The following B3GALT1 variants were observed in gnomAD, a reference collection of about 807,000 sequenced individuals.
B3GALT1 encodes the protein UDP-Gal:betaGlcNAc beta 1,3-galactosyltransferase, polypeptide 1.
In B3GALT1, 10 loss-of-function variants were observed where a neutral mutation model predicts 23.2. The ratio of observed to expected loss-of-function variants is 0.43; its 90% CI spans 0.27 to 0.73. The LOEUF (loss-of-function observed/expected upper bound fraction) is 0.73. Among genes scored for constraint, B3GALT1 ranks in the 30% least tolerant of loss-of-function variants. The probability of loss-of-function intolerance (pLI) is 0.21; values close to 1 mark genes in which losing one functional copy is unlikely to be tolerated. For missense variants in B3GALT1, 299 were observed against 405.4 expected, an observed-to-expected ratio of 0.74 and a Z score of 2.25; for synonymous variants, 156 against 141.5, an observed-to-expected ratio of 1.10 and a Z score of -0.73.
chr2:167,407,634 C>A (rs1698306535), intron 1 of B3GALT1, among the ~76,000 whole-genome samples: 5 of 151,234 alleles, frequency 3.3e-5, no homozygotes, highest in African/African-American at 1.2e-4. Context: ...TAAATAAAAT[C>A]AAAAATGAAA....
intron 1 of B3GALT1, among the ~76,000 whole-genome samples, chr2:167,362,015 AG>A (rs1224978133): frequency 2.0e-5 from 3 of 152,158 alleles, no homozygotes; most frequent in Admixed American, 6.5e-5. Context: ...CGGAGCTTGC[AG>A]TGAGCCGTGA....
At chr2:167,319,363 A>C (rs1286045881) in intron 1 of B3GALT1, among the ~76,000 whole-genome samples, 1 of 152,150 alleles carries the variant, frequency 6.6e-6, no homozygotes, top group Non-Finnish European at 1.5e-5. Flanking sequence ...CTTTCTAGGA[A>C]GCCTACATCG....
chr2:167,360,106 CTCTTT>C (rs1283118108), intron 1 of B3GALT1, among the ~76,000 whole-genome samples: 3 of 151,902 alleles, frequency 2.0e-5, no homozygotes, highest in African/African-American at 4.8e-5. Flanking sequence ...AAAAATTTTT[CTCTTT>C]TAAGTCAAAA....
chr2:167,778,703 G>C (rs1330541476), intron 3 of B3GALT1, among the ~76,000 whole-genome samples: 2 of 152,142 alleles, frequency 1.3e-5, no homozygotes, highest in East Asian at 3.8e-4. Flanking sequence ...AGAATCTTAT[G>C]TTTTCTTTTA....
chr2:167,629,489 ATTAAG>A (rs954668064), intron 2 of B3GALT1, among the ~76,000 whole-genome samples: 5 of 151,764 alleles, frequency 3.3e-5, no homozygotes, highest in African/African-American at 1.2e-4. Context: ...TCATACATGA[ATTAAG>A]TTAACATGAG....
chr2:167,385,512 A>C lies in B3GALT1; in HGVS notation c.-511+92178A>C, dbSNP rs199823495. ...CTCAGTAAATATTTGAATTTATTGT[A>C]TGTACAATTTCTCCTAGCCTGAAAA... On this transcript the variant is annotated intron_variant, in intron 1 of 4. Coordinates refer to ENST00000392690, the MANE Select transcript of B3GALT1 (RefSeq NM_020981.4). Among the ~76,000 whole-genome samples the C allele has an allele frequency of 7.6e-4, 115 of 152,274 alleles. 1 individual carries two copies. In the East Asian group the frequency reaches 0.018, roughly 24 times the overall value.
rs182795687 is a variant in B3GALT1 at position 167,411,420 on chromosome 2, T to C, written c.-510-78757T>C. ...AAAAACCACACAAATAATTTGAGTTTAAAATTGGCAAAAGATCTGAACAGG... is the reference window on the plus strand; with the variant it reads ...AAAAACCACACAAATAATTTGAGTTCAAAATTGGCAAAAGATCTGAACAGG... On this transcript the variant is annotated intron_variant, in intron 1 of 4. Transcript: ENST00000392690. Among the ~76,000 whole-genome samples, 40 of 149,886 alleles carry C rather than the reference T, an allele frequency of 2.7e-4. No individual in the cohort carries two copies. The South Asian group carries it at 4.6e-3, about 17-fold the overall frequency.
intron 3 of B3GALT1, among the ~76,000 whole-genome samples, chr2:167,727,449 G>A (rs1229927254): frequency 6.6e-6 from 1 of 152,154 alleles, no homozygotes; most frequent in East Asian, 1.9e-4. Flanking sequence ...CCTTTGGGGT[G>A]TCGGGCACTG....
chr2:167,390,289 G>A (rs375795981), intron 1 of B3GALT1, among the ~76,000 whole-genome samples: 6 of 152,144 alleles, frequency 3.9e-5, no homozygotes, highest in South Asian at 2.1e-4. Flanking sequence ...TCGTGATCTT[G>A]TCCCTTCCAG....
At chr2:167,460,589 G>A (rs1209896023) in intron 1 of B3GALT1, among the ~76,000 whole-genome samples, 2 of 151,580 alleles carry the variant, frequency 1.3e-5, no homozygotes, top group African/African-American at 2.4e-5. Flanking sequence ...TAATAGATCT[G>A]CCATCAGATC....
chr2:167,628,362 G>C (rs1199894645), intron 2 of B3GALT1, among the ~76,000 whole-genome samples: 3 of 151,530 alleles, frequency 2.0e-5, no homozygotes, highest in African/African-American at 4.8e-5. Context: ...TGAGATGATT[G>C]CATCTACAGT....
chr2:167,408,994 C>T (rs1180447826), intron 1 of B3GALT1, among the ~76,000 whole-genome samples: 1 of 152,066 alleles, frequency 6.6e-6, no homozygotes. Context: ...ATACCAATGA[C>T]ATTATTTACA....
At chr2:167,770,726 T>G (rs1301312254) in intron 3 of B3GALT1, among the ~76,000 whole-genome samples, 2 of 152,330 alleles carry the variant, frequency 1.3e-5, no homozygotes, top group African/African-American at 4.8e-5. Flanking sequence ...TCTTATATTT[T>G]CCTCTAAAAG....
At chr2:167,672,812 T>G (rs999577167) in intron 3 of B3GALT1, among the ~76,000 whole-genome samples, 1 of 152,068 alleles carries the variant, frequency 6.6e-6, no homozygotes, top group Admixed American at 6.6e-5. Flanking sequence ...TAACCCTAAT[T>G]TATAAATATA....
chr2:167,646,574 C>A (rs1454325423), intron 2 of B3GALT1, among the ~76,000 whole-genome samples: 1 of 152,174 alleles, frequency 6.6e-6, no homozygotes, highest in African/African-American at 2.4e-5. Context: ...TCTAATGATA[C>A]TTGTAGTCAC....
chr2:167,430,451 A>G (rs1698690016), intron 1 of B3GALT1, among the ~76,000 whole-genome samples: 1 of 152,154 alleles, frequency 6.6e-6, no homozygotes, highest in Non-Finnish European at 1.5e-5. Context: ...TCAGTTGAGA[A>G]CTGGCTGTGT....
At chr2:167,496,729 G>A (rs1453789358) in intron 2 of B3GALT1, among the ~76,000 whole-genome samples, 1 of 152,112 alleles carries the variant, frequency 6.6e-6, no homozygotes, top group South Asian at 2.1e-4. Context: ...GCCTTTGGGA[G>A]GTAATGAAGT....
intron 2 of B3GALT1, among the ~76,000 whole-genome samples, 181 bp downstream of exon 2, chr2:167,490,458 G>A (rs1389876975): frequency 6.6e-6 from 1 of 152,102 alleles, no homozygotes; most frequent in Non-Finnish European, 1.5e-5. Flanking sequence ...ACCAAATATT[G>A]TCTTCACATT....
At chr2:167,783,512 A>G (rs1003035036) in intron 3 of B3GALT1, among the ~76,000 whole-genome samples, 8 of 124,868 alleles carry the variant, frequency 6.4e-5, no homozygotes, top group Non-Finnish European at 1.5e-4. Flanking sequence ...GAATCTGAAG[A>G]AAAAAAGGAA....
Sources: allele counts gnomAD v4.1 joint callset (sites outside exome capture counted in the v4.1 genomes callset), GRCh38; gene constraint gnomAD v4.1.1; transcripts MANE v1.5; gene names NCBI Gene and HGNC (gene_info 2026-07-23, HGNC 2026-07-21).